The following PDE1A variants were observed in gnomAD, a reference collection of about 807,000 sequenced individuals.
PDE1A encodes phosphodiesterase 1A, also known as dual specificity calcium/calmodulin-dependent 3',5'-cyclic nucleotide phosphodiesterase 1A.
A neutral mutation model predicts 61.7 loss-of-function variants in PDE1A; 35 were observed. That is an observed-to-expected ratio of 0.57 (90% CI 0.43 to 0.75). PDE1A has a LOEUF of 0.75. PDE1A is among the 30% of genes least tolerant of loss of function. The pLI is 0.00. For synonymous variants in PDE1A, 232 were observed against 213.2 expected, an observed-to-expected ratio of 1.09 and a Z score of -0.77; for missense variants, 597 against 630.6, an observed-to-expected ratio of 0.95 and a Z score of 0.57.
the PDE1A span, among the ~76,000 whole-genome samples, chr2:182,588,825 C>A: frequency 6.6e-6 from 1 of 151,944 alleles, no homozygotes. Context: ...AGGCGGATCA[C>A]CCAAGGTCAG....
chr2:182,638,900 G>A, the PDE1A span, among the ~76,000 whole-genome samples: 2 of 152,274 alleles, frequency 1.3e-5, no homozygotes, highest in South Asian at 4.1e-4. Flanking sequence ...GGTGAGGAAA[G>A]TGTAGCAAAG....
At chr2:182,512,834 C>A (rs191254484) in intron 2 of PDE1A, among the ~76,000 whole-genome samples, 123 of 152,106 alleles carry the variant, frequency 8.1e-4, no homozygotes, top group African/African-American at 2.9e-3. Context: ...CAGAATAGAC[C>A]AAGCTGAGGA....
At chr2:182,459,374 G>A (rs1686128666) in intron 2 of PDE1A, among the ~76,000 whole-genome samples, 1 of 152,036 alleles carries the variant, frequency 6.6e-6, no homozygotes, top group Admixed American at 6.6e-5. Flanking sequence ...AGAGGAAGTT[G>A]GACAATAAGA....
At chr2:182,373,164 G>A (rs545150318) in intron 1 of PDE1A, among the ~76,000 whole-genome samples, 1 of 152,332 alleles carries the variant, frequency 6.6e-6, no homozygotes, top group African/African-American at 2.4e-5. Context: ...CAGGCATCCT[G>A]AATCTTGGGG....
intron 2 of PDE1A, among the ~76,000 whole-genome samples, chr2:182,512,124 C>A (rs11677310): frequency 0.066 from 10,029 of 152,288 alleles, 353 homozygotes; most frequent in Middle Eastern, 0.1. Context: ...CCTACCGCCA[C>A]TATCGCACAT....
At chr2:182,665,335 T>C in the PDE1A span, among the ~76,000 whole-genome samples, 10 of 152,102 alleles carry the variant, frequency 6.6e-5, no homozygotes, top group Admixed American at 5.2e-4. Flanking sequence ...AAAGTCCTAA[T>C]ATTCAGAAGC....
rs73977330 is a variant in PDE1A, at chr2:182,290,391, G to A, written c.54-25977C>T. 6.9e-3 allele frequency among the ~76,000 whole-genome samples: 1,056 copies of A among 152,132 alleles called. 12 individuals carry two copies. The highest frequency in any genetic ancestry group is 0.024 in the African/African-American group (987 of 41,518). The stretch of plus-strand genomic sequence containing the variant: ...GTGGAAAGACTGAAAGCCTTCAGGT[G>A]TTTACTAATTTCTCTCAACCTTACG... On this transcript the variant is annotated intron_variant, in intron 1 of 13. Transcript: ENST00000351439.
chr2:182,155,021 T>A (rs1365029247), intron 13 of PDE1A, among the ~76,000 whole-genome samples: 1 of 151,708 alleles, frequency 6.6e-6, no homozygotes, highest in Non-Finnish European at 1.5e-5. Flanking sequence ...AATTTTTCAT[T>A]GTTCTCTTTT....
chr2:182,195,494 G>T (rs1450327447), intron 10 of PDE1A, among the ~76,000 whole-genome samples: 2 of 151,964 alleles, frequency 1.3e-5, no homozygotes, highest in African/African-American at 4.8e-5. Flanking sequence ...GCATTATTAG[G>T]CTTCTTATGT....
chr2:182,561,393 C>G, the PDE1A span, among the ~76,000 whole-genome samples: 1 of 152,002 alleles, frequency 6.6e-6, no homozygotes, highest in Non-Finnish European at 1.5e-5. Context: ...TCTGAGGGCT[C>G]TGTTCTGTTC....
At chr2:182,350,631 T>C (rs1698818777) in intron 1 of PDE1A, among the ~76,000 whole-genome samples, 1 of 152,202 alleles carries the variant, frequency 6.6e-6, no homozygotes, top group Non-Finnish European at 1.5e-5. Flanking sequence ...TTAATTGCTA[T>C]ATAATTATAT....
chr2:182,366,438 T>C (rs1699840984), intron 1 of PDE1A, among the ~76,000 whole-genome samples: 2 of 152,036 alleles, frequency 1.3e-5, no homozygotes, highest in African/African-American at 4.8e-5. Flanking sequence ...CCGTTGGATC[T>C]CTTAAAGTTC....
chr2:182,497,115 C>G (rs10497605), intron 2 of PDE1A, among the ~76,000 whole-genome samples: 54,418 of 151,996 alleles, frequency 0.36, 10,508 homozygotes, highest in East Asian at 0.6. Context: ...CTCTTTTAAC[C>G]ATGGCCAATT....
chr2:182,190,735 A>G (rs1685612965), intron 10 of PDE1A, among the ~76,000 whole-genome samples: 1 of 152,238 alleles, frequency 6.6e-6, no homozygotes. Context: ...AGGCAGATGG[A>G]TCACGAAGTC....
chr2:182,386,249 C>T (rs1245531341), intron 1 of PDE1A, among the ~76,000 whole-genome samples: 1 of 151,942 alleles, frequency 6.6e-6, no homozygotes, highest in Non-Finnish European at 1.5e-5. Flanking sequence ...GAGATTACAG[C>T]CTCTGCCCAG....
At chr2:182,454,728 G>A (rs1210167053) in intron 2 of PDE1A, among the ~76,000 whole-genome samples, 1 of 151,914 alleles carries the variant, frequency 6.6e-6, no homozygotes, top group Non-Finnish European at 1.5e-5. Context: ...GTAGAAAGCT[G>A]AAACTGGATC....
At chr2:182,576,565 CT>C in the PDE1A span, among the ~76,000 whole-genome samples, 2 of 152,124 alleles carry the variant, frequency 1.3e-5, no homozygotes, top group Non-Finnish European at 2.9e-5. Context: ...GCTTTCAACT[CT>C]TTTGTGTATA....
intron 2 of PDE1A, among the ~76,000 whole-genome samples, chr2:182,478,376 C>T (rs536832899): frequency 3.3e-5 from 5 of 151,766 alleles, no homozygotes; most frequent in African/African-American, 9.7e-5. Flanking sequence ...CTATCATTCT[C>T]TTGGATTGGC....
At chr2:182,700,705 G>C in the PDE1A span, among the ~76,000 whole-genome samples, 34 of 48,790 alleles carry the variant, frequency 7.0e-4, no homozygotes, top group East Asian at 0.018. Context: ...CTGGGCGACA[G>C]AGCAAGACTC....
Sources: allele counts gnomAD v4.1 joint callset (sites outside exome capture counted in the v4.1 genomes callset), GRCh38; gene constraint gnomAD v4.1.1; transcripts MANE v1.5; gene names NCBI Gene and HGNC (gene_info 2026-07-23, HGNC 2026-07-21).